The following ZC3H4 variants were observed in gnomAD, a reference collection of about 807,000 sequenced individuals.
The protein encoded by ZC3H4 is zinc finger CCCH-type containing 4.
ZC3H4 carries 13 observed loss-of-function variants against 108.3 expected under a neutral mutation model. The observed-to-expected ratio is 0.12, with a 90% CI of 0.08 to 0.19. ZC3H4 has a LOEUF of 0.19. Among genes scored for constraint, ZC3H4 ranks in the 10% least tolerant of loss-of-function variants. The pLI, the probability that ZC3H4 is intolerant of heterozygous loss-of-function variation, is 1.00. For missense variants in ZC3H4, 1,734 were observed against 1,838.8 expected (o/e 0.94, Z 1.04); for synonymous variants, 917 against 749.6 (o/e 1.22, Z -3.65).
At chr19:47,070,293 A>G (rs554584894) in intron 13 of ZC3H4, among the ~76,000 whole-genome samples, 7 of 152,320 alleles carry the variant, frequency 4.6e-5, no homozygotes, top group African/African-American at 9.6e-5. Flanking sequence ...CTTAGCTTAC[A>G]TTAATTTCAA....
At chr19:47,074,192 G>A (rs893993175) in intron 11 of ZC3H4, among the ~76,000 whole-genome samples, 3 of 152,126 alleles carry the variant, frequency 2.0e-5, no homozygotes, top group African/African-American at 7.2e-5. Context: ...AACTGTTGAG[G>A]TCCCTCATTA....
At chr19:47,091,766 G>A (rs2057735573) in intron 4 of ZC3H4, among the ~76,000 whole-genome samples, 1 of 150,900 alleles carries the variant, frequency 6.6e-6, no homozygotes, top group Admixed American at 6.6e-5. Context: ...GGTGGTGGGC[G>A]CCTGTAATCC....
Position 47,066,449 on chromosome 19 carries a change from C to A in ZC3H4, c.3819G>T (p.Gly1273=). ...GCTCACCCTCGCGGGCCGGACTGTT[C>A]CCAGCAAATGGGCTTCCTGAGCCCG... ...PKTGSGSPFA[G]NSPAREGEQD... The change falls in exon 15 of 15, where the codon GGG becomes GGT. Residue 1273 remains glycine (G), a synonymous_variant. Coordinates refer to ENST00000253048, the MANE Select transcript of ZC3H4 (RefSeq NM_015168.2). The A allele has an allele frequency of 6.3e-7, 1 of 1,579,974 alleles. No individual in the cohort carries two copies. The highest frequency in any genetic ancestry group is 1.2e-5 in the South Asian group (1 of 85,342).
chr19:47,112,205 G>C (rs2058048220), intron 2 of ZC3H4: 8 of 1,209,900 alleles, frequency 6.6e-6, no homozygotes, highest in Non-Finnish European at 8.2e-6. Context: ...GAGCGGGCGA[G>C]CGCCGCGAGG....
chr19:47,069,560 G>C lies in ZC3H4; in HGVS notation c.2147-217C>G, dbSNP rs886868230. 2.0e-5 allele frequency among the ~76,000 whole-genome samples: 3 copies of C among 152,262 alleles called. No individual in the cohort carries two copies. In the South Asian group the frequency reaches 6.2e-4, roughly 32 times the overall value. On this transcript the variant is annotated intron_variant, in intron 13 of 14. Coordinates refer to ENST00000253048, the MANE Select transcript of ZC3H4 (RefSeq NM_015168.2). ...GTTCACAGAGAGGGTTGAGTGATGC[G>C]GGCAAACGCTTATGAGGTGGAAACA...
At position 47,067,672 on chromosome 19, in the gene ZC3H4, G is replaced by A. The variant is rs768444012; in HGVS notation, c.2596C>T (p.Arg866Trp). Residue 866 changes from arginine (R) to tryptophan (W), a missense_variant, in exon 15 of 15, where the codon CGG (arginine) becomes TGG (tryptophan). This residue lies in a region of ZC3H4 where 540 missense variants were observed against 484.1 expected (regional missense o/e 1.12). Coordinates refer to ENST00000253048, the MANE Select transcript of ZC3H4 (RefSeq NM_015168.2). The surrounding 1 kb of genome is among the most constrained non-coding windows in gnomAD (Gnocchi z 6.4). The part of the protein sequence containing the change: ...GSRLADPRLS[R>W]DPRLTRHVEA... ...ACATGGCGGGTGAGTCTGGGGTCCCGGCTGAGGCGAGGGTCAGCCAGCCGG... is the reference window on the plus strand; with the variant it reads ...ACATGGCGGGTGAGTCTGGGGTCCCAGCTGAGGCGAGGGTCAGCCAGCCGG... 4 of 1,600,024 alleles carry A rather than the reference G, an allele frequency of 2.5e-6. No homozygotes were observed. Among genetic ancestry groups the A allele is most frequent in the Non-Finnish European group, 3.4e-6 (4 of 1,175,452 alleles).
At chr19:47,111,595 G>A (rs1344598262) in intron 2 of ZC3H4, among the ~76,000 whole-genome samples, 1 of 152,110 alleles carries the variant, frequency 6.6e-6, no homozygotes, top group Non-Finnish European at 1.5e-5. Flanking sequence ...CCTACGAAAA[G>A]CGAGAGGACC....
intron 2 of ZC3H4, among the ~76,000 whole-genome samples, chr19:47,095,246 A>C (rs1365908900): frequency 6.6e-6 from 1 of 152,138 alleles, no homozygotes; most frequent in African/African-American, 2.4e-5. Context: ...CCTGGGACCC[A>C]CCCACAGGCA....
rs567847246 is a variant in ZC3H4 at position 47,113,743 on chromosome 19, A to G, written c.-29T>C. 2.0e-5 allele frequency: 3 copies of G among 151,854 alleles called. No homozygotes were observed. Among genetic ancestry groups the G allele is most frequent in the Non-Finnish European group, 2.9e-5 (2 of 68,016 alleles). The allele number at this position is 151,854 out of a possible 1,614,324, so 9.4% of individuals were successfully genotyped here. A position where few individuals can be genotyped will look rare whatever the true frequency, so the allele number is the denominator to read the frequency against. On this transcript the variant is annotated 5_prime_UTR_variant, in exon 1 of 15. Transcript: ENST00000253048. ...ACCGAAAGCTGGAGGCCAGGTGCCG[A>G]GAGTCGGAGGTTTCCGGAGAAGCGA...
chr19:47,091,905 T>G (rs576891924), intron 4 of ZC3H4, among the ~76,000 whole-genome samples: 81 of 150,922 alleles, frequency 5.4e-4, no homozygotes, highest in African/African-American at 1.9e-3. Context: ...AATAAATGAA[T>G]GAATGAACGC....
intron 11 of ZC3H4, among the ~76,000 whole-genome samples, chr19:47,076,325 GCA>G (rs10531908): frequency 0.74 from 111,155 of 151,078 alleles, 41,296 homozygotes; most frequent in Non-Finnish European, 0.79. Flanking sequence ...GCGCGCGCGC[GCA>G]CACACACACA....
chr19:47,071,873 A>T lies in ZC3H4; in HGVS notation c.2051T>A (p.Met684Lys), dbSNP rs1226863556. 6.2e-6 allele frequency: 10 copies of T among 1,613,254 alleles called. No individual in the cohort carries two copies. The highest frequency in any genetic ancestry group is 8.5e-6 in the Non-Finnish European group (10 of 1,179,722). ...CTGGGCTGGCGGGATAGGGGGCATC[A>T]TTCCAGAATGTGGGGAGTCTCCAGG... The part of the protein sequence containing the change: ...YGPGDSPHSG[M>K]MPPIPPAQNF... Residue 684 changes from methionine (M) to lysine (K), a missense_variant, in exon 13 of 15, where the codon ATG (methionine) becomes AAG (lysine). Physicochemically the swap from Met to Lys is moderately conservative, Grantham distance 95. Around this residue, in one of 9 missense-constraint regions of ZC3H4, gnomAD observed 540 missense variants for 484.1 expected, o/e 1.12. Coordinates refer to ENST00000253048, the MANE Select transcript of ZC3H4 (RefSeq NM_015168.2).
rs1199712812 is a variant in ZC3H4, at chr19:47,071,969, A to T, written c.1955T>A (p.Met652Lys). Residue 652 changes from methionine (M) to lysine (K), a missense_variant, in exon 13 of 15, where the codon ATG (methionine) becomes AAG (lysine). Transcript: ENST00000253048. Reference sequence around the variant, plus strand: ...AGGATTCATGCCAGGGCCCATCGGCATGTCTGCGTGCATGTCTGCGTGCAT... The same window carrying T: ...AGGATTCATGCCAGGGCCCATCGGCTTGTCTGCGTGCATGTCTGCGTGCAT... The part of the protein sequence containing the change: ...PDMHADMHAD[M>K]PMGPGMNPGP... 1 of 1,575,380 alleles carries T rather than the reference A, an allele frequency of 6.3e-7. No individual in the cohort carries two copies. The highest frequency in any genetic ancestry group is 8.7e-7 in the Non-Finnish European group (1 of 1,146,984).
rs1259323875 is a variant in ZC3H4, at chr19:47,086,468, G to A, written c.786C>T (p.Gly262=). The A allele has an allele frequency of 3.1e-6, 5 of 1,610,940 alleles. No individual in the cohort carries two copies. Among genetic ancestry groups the A allele is most frequent in the Admixed American group, 1.7e-5 (1 of 59,778 alleles). The change falls in exon 6 of 15, where the codon GGC becomes GGT. Residue 262 remains glycine, a synonymous_variant. Coordinates refer to ENST00000253048, the MANE Select transcript of ZC3H4 (RefSeq NM_015168.2). The part of the protein sequence containing the change: ...SRGGSRGRGM[G]RGSRGRGRGS... ...CTCTGCCCCTGCCTCGGCTGCCCCT[G>A]CCCATGCCGCGGCCTCGCGATCCTC...
At chr19:47,079,123 G>A (rs753313684) in intron 11 of ZC3H4, among the ~76,000 whole-genome samples, 17 of 149,672 alleles carry the variant, frequency 1.1e-4, no homozygotes, top group Admixed American at 2.6e-4. Context: ...ACCGCCTCCC[G>A]GGTTCAAGCG....
chr19:47,081,923 C>T (rs1381912633), intron 10 of ZC3H4, among the ~76,000 whole-genome samples: 4 of 152,192 alleles, frequency 2.6e-5, no homozygotes, highest in African/African-American at 9.7e-5. Flanking sequence ...CTGGAAGAAT[C>T]TCAGCCAATG....
chr19:47,086,977 TAA>T (rs113670263), intron 5 of ZC3H4, among the ~76,000 whole-genome samples: 28 of 140,934 alleles, frequency 2.0e-4, no homozygotes, highest in Admixed American at 5.0e-4. Context: ...AAGACTTAGT[TAA>T]AAAAAAAAAA....
At chr19:47,087,301 A>C in intron 5 of ZC3H4, among the ~76,000 whole-genome samples, 3 of 151,186 alleles carry the variant, frequency 2.0e-5, no homozygotes, top group Non-Finnish European at 4.4e-5. Context: ...CACACACAAA[A>C]AAAAACCCAA....
rs754524556 is a variant in ZC3H4, at chr19:47,067,897, G to T, written c.2399-28C>A. On this transcript the variant is annotated intron_variant, in intron 14 of 14. Transcript: ENST00000253048. This position sits in a 1 kb window ranked among gnomAD's most constrained non-coding sequence, Gnocchi z 6.4. ...GGGAAAGAACAGAGGAGCAGGGAGG[G>T]GTGAGTGGGCGCATCCACCACCCGC... 1.3e-5 allele frequency: 20 copies of T among 1,556,110 alleles called. 1 individual carries two copies. Among genetic ancestry groups the T allele is most frequent in the Admixed American group, 3.8e-5 (2 of 52,612 alleles).
Sources: allele counts gnomAD v4.1 joint callset (sites outside exome capture counted in the v4.1 genomes callset), GRCh38; gene constraint gnomAD v4.1.1; regional missense constraint gnomAD v4.1.1; non-coding constraint Gnocchi (gnomAD v3.1); transcripts MANE v1.5; gene names NCBI Gene and HGNC (gene_info 2026-07-23, HGNC 2026-07-21).